The following PCDHA12 variants were observed in gnomAD, a reference collection of about 807,000 sequenced individuals.
PCDHA12 encodes protocadherin alpha 12.
In PCDHA12, 44 loss-of-function variants were observed where a neutral mutation model predicts 60.0. The ratio of observed to expected loss-of-function variants is 0.73; its 90% CI spans 0.58 to 0.94. PCDHA12 has a LOEUF of 0.94. PCDHA12 is among the 40% of genes least tolerant of loss of function. PCDHA12 has a pLI of 0.00. For synonymous variants in PCDHA12, 569 were observed against 553.0 expected, an observed-to-expected ratio of 1.03 and a Z score of -0.40; for missense variants, 1,276 against 1,239.7, an observed-to-expected ratio of 1.03 and a Z score of -0.44.
At chr5:140,906,502 C>G (rs182726471) in intron 1 of PCDHA12, among the ~76,000 whole-genome samples, 2 of 152,298 alleles carry the variant, frequency 1.3e-5, no homozygotes, top group African/African-American at 4.8e-5. Context: ...ATGTTTTTAA[C>G]AAAGAAGGAG....
intron 3 of PCDHA12, 112 bp downstream of exon 3, chr5:140,982,675 T>A (rs782533593): frequency 1.3e-4 from 192 of 1,441,664 alleles, no homozygotes; most frequent in Middle Eastern, 9.1e-4. Flanking sequence ...ATTTTTGTTA[T>A]TCCCTTTTTT....
At chr5:140,894,256 A>G (rs1554186008) in intron 1 of PCDHA12, among the ~76,000 whole-genome samples, 1 of 152,010 alleles carries the variant, frequency 6.6e-6, no homozygotes, top group African/African-American at 2.4e-5. Context: ...TTTTCTTTAC[A>G]AGTGGTAGCT....
At chr5:140,974,879 A>G (rs1259634156) in intron 1 of PCDHA12, among the ~76,000 whole-genome samples, 1 of 152,212 alleles carries the variant, frequency 6.6e-6, no homozygotes, top group Non-Finnish European at 1.5e-5. Flanking sequence ...CAGTCTATGT[A>G]TCCCTTTTCT....
chr5:140,927,293 C>T (rs782386645), intron 1 of PCDHA12: 5 of 1,614,176 alleles, frequency 3.1e-6, no homozygotes, highest in Non-Finnish European at 3.4e-6. Flanking sequence ...CTGCACATCC[C>T]CGAGTTCCTG....
At chr5:140,948,856 ATATTACTTCGGGTTTACTTT>A (rs1364138889) in intron 1 of PCDHA12, among the ~76,000 whole-genome samples, 11 of 151,588 alleles carry the variant, frequency 7.3e-5, no homozygotes, top group African/African-American at 2.7e-4. Context: ...TTGCCTTCTT[ATATTACTTCGGGTTTACTTT>A]GCTCTCTTTT....
At chr5:140,933,480 G>C (rs1255769578) in intron 1 of PCDHA12, among the ~76,000 whole-genome samples, 1 of 151,846 alleles carries the variant, frequency 6.6e-6, no homozygotes, top group South Asian at 2.1e-4. Flanking sequence ...ACACATTATG[G>C]TTATTCTTTA....
intron 1 of PCDHA12, chr5:140,968,379 A>C: frequency 6.2e-7 from 1 of 1,614,034 alleles, no homozygotes; most frequent in Non-Finnish European, 8.5e-7. Context: ...AACTCCTTTG[A>C]CTATGAGAAG....
chr5:140,956,953 C>G (rs1347983778), intron 1 of PCDHA12, among the ~76,000 whole-genome samples: 1 of 135,202 alleles, frequency 7.4e-6, no homozygotes, highest in Non-Finnish European at 1.7e-5. Flanking sequence ...CATTAAAACA[C>G]TGTAATTAAT....
chr5:140,920,847 A>G (rs1410435400), intron 1 of PCDHA12, among the ~76,000 whole-genome samples: 1 of 152,028 alleles, frequency 6.6e-6, no homozygotes, highest in Non-Finnish European at 1.5e-5. Flanking sequence ...AATCTAAAAA[A>G]AAAAAAAAAA....
chr5:140,929,480 G>C, intron 1 of PCDHA12: 1 of 1,195,420 alleles, frequency 8.4e-7, no homozygotes, highest in Non-Finnish European at 1.1e-6. Context: ...TGGAAGTATA[G>C]AAGTATTAGA....
Position 140,969,579 on chromosome 5 carries a change from G to A in PCDHA12, c.2368-9370G>A, listed in dbSNP as rs373969836. Reference sequence around the variant, plus strand: ...TCCATAAAATTGTTTGAGAAGTGAGGATTAGTCTTAATATTTAATGCTAAA... The same window carrying A: ...TCCATAAAATTGTTTGAGAAGTGAGAATTAGTCTTAATATTTAATGCTAAA... On this transcript the variant is annotated intron_variant, in intron 1 of 3. Coordinates refer to ENST00000398631, the MANE Select transcript of PCDHA12 (RefSeq NM_018903.4). 1,666 of 951,704 alleles carry A rather than the reference G, an allele frequency of 1.8e-3. 9 individuals carry two copies. The Middle Eastern group carries it at 0.019, about 11-fold the overall frequency. 59.0% of individuals were successfully genotyped at this position (951,704 alleles called of 1,614,324 possible). A position where few individuals can be genotyped will look rare whatever the true frequency, so the allele number is the denominator to read the frequency against.
At chr5:140,898,624 A>G (rs1374108541) in intron 1 of PCDHA12, among the ~76,000 whole-genome samples, 13 of 152,248 alleles carry the variant, frequency 8.5e-5, no homozygotes, top group African/African-American at 2.6e-4. Flanking sequence ...CAGGTAGCAT[A>G]ATGCCTCCAG....
chr5:140,940,502 G>A (rs182744023), intron 1 of PCDHA12, among the ~76,000 whole-genome samples: 2 of 151,906 alleles, frequency 1.3e-5, no homozygotes, highest in Admixed American at 6.5e-5. Context: ...TTGCTCCGTC[G>A]CTCAGGCGTG....
intron 1 of PCDHA12, among the ~76,000 whole-genome samples, chr5:140,914,395 C>G (rs781878941): frequency 6.6e-6 from 1 of 152,082 alleles, no homozygotes; most frequent in African/African-American, 2.4e-5. Context: ...TGTAGTTACC[C>G]CTGCTCCTGT....
At chr5:140,888,265 A>G (rs2061758269) in intron 1 of PCDHA12, among the ~76,000 whole-genome samples, 1 of 152,096 alleles carries the variant, frequency 6.6e-6, no homozygotes, top group Non-Finnish European at 1.5e-5. Flanking sequence ...TCTTGATAAG[A>G]AACAGTTTTG....
chr5:140,881,218 T>G (rs997488208), intron 1 of PCDHA12: 10 of 230,756 alleles, frequency 4.3e-5, no homozygotes, highest in Non-Finnish European at 6.4e-5. Flanking sequence ...TGTTGTTTCT[T>G]GGAAAATTAA....
At position 140,964,709 on chromosome 5, in the gene PCDHA12, A is replaced by G. The variant is rs115609419; in HGVS notation, c.2368-14240A>G. On this transcript the variant is annotated intron_variant, in intron 1 of 3. Coordinates refer to ENST00000398631, the MANE Select transcript of PCDHA12 (RefSeq NM_018903.4). ...CACTTGAGAGATTAAGGCCTCCGAG[A>G]TCAAATTACCACAGCAAACTGAGAC... is the stretch of plus-strand genomic sequence containing the variant. Among the ~76,000 whole-genome samples the G allele has an allele frequency of 4.5e-3, 689 of 152,134 alleles. 3 individuals are homozygous for G. Among genetic ancestry groups the G allele is most frequent in the African/African-American group, 0.016 (667 of 41,492 alleles).
At chr5:140,938,876 AAC>A (rs142461507) in intron 1 of PCDHA12, among the ~76,000 whole-genome samples, 10 of 151,120 alleles carry the variant, frequency 6.6e-5, no homozygotes, top group Non-Finnish European at 1.3e-4. Flanking sequence ...GTTAAGAAGC[AAC>A]ACACACACAC....
Position 140,875,466 on chromosome 5 carries a change from T to A in PCDHA12, c.-7T>A, listed in dbSNP as rs782683106. The A allele has an allele frequency of 2.4e-5, 39 of 1,599,908 alleles. No homozygotes were observed. Among genetic ancestry groups the A allele is most frequent in the Admixed American group, 1.2e-4 (7 of 57,820 alleles). On this transcript the variant is annotated 5_prime_UTR_variant, in exon 1 of 4. Coordinates refer to ENST00000398631, the MANE Select transcript of PCDHA12 (RefSeq NM_018903.4). ...TTGTCCCAACTCAGAGGCCCTCATT[T>A]TCTGCAATGGTGATTATCGGACCAA...
Sources: gnomAD v4.1 joint callset for allele counts (sites outside exome capture counted in the v4.1 genomes callset) on GRCh38, gnomAD v4.1.1 for gene constraint, MANE v1.5 for transcripts, NCBI Gene and HGNC (gene_info 2026-07-23, HGNC 2026-07-21) for gene names.